The following TCERG1L variants were observed in gnomAD, a reference collection of about 807,000 sequenced individuals.
TCERG1L encodes transcription elongation regulator 1 like.
A neutral mutation model predicts 56.3 loss-of-function variants in TCERG1L; 37 were observed. The ratio of observed to expected loss-of-function variants is 0.66; its 90% confidence interval spans 0.51 to 0.87. The LOEUF is 0.87. Ranked by LOEUF, TCERG1L falls within the 40% of genes least tolerant of loss-of-function variation. The pLI is 0.00. For synonymous variants in TCERG1L, 324 were observed against 326.3 expected, an observed-to-expected ratio of 0.99 and a Z score of 0.08; for missense variants, 799 against 774.2, an observed-to-expected ratio of 1.03 and a Z score of -0.38.
intron 4 of TCERG1L, among the ~76,000 whole-genome samples, chr10:131,185,620 G>A (rs143834071): frequency 5.7e-4 from 86 of 152,138 alleles, no homozygotes; most frequent in Admixed American, 1.1e-3. Context: ...CACAAACGGC[G>A]AACAGGCATG....
At chr10:131,200,503 C>T (rs1427863667) in intron 4 of TCERG1L, among the ~76,000 whole-genome samples, 2 of 152,296 alleles carry the variant, frequency 1.3e-5, no homozygotes, top group Non-Finnish European at 2.9e-5. Flanking sequence ...TTCCTTCTTG[C>T]CTATGTCTCC....
chr10:131,311,271 G>A lies in TCERG1L; in HGVS notation c.342+23C>T, dbSNP rs866673941. The A allele has an allele frequency of 6.0e-5, 72 of 1,199,114 alleles. No individual in the cohort carries two copies. Among genetic ancestry groups the A allele is most frequent in the Non-Finnish European group, 6.7e-5 (65 of 966,782 alleles). The allele number at this position is 1,199,114 out of a possible 1,614,324, so 74.3% of individuals were successfully genotyped here. The stretch of plus-strand genomic sequence containing the variant: ...AGCAGGGGAGACGGCGACCCGGGCC[G>A]AGGCGGGACGGGGACACGTTACCTG... On this transcript the variant is annotated intron_variant, in intron 1 of 11. Coordinates refer to ENST00000368642, the MANE Select transcript of TCERG1L (RefSeq NM_174937.4). The surrounding 1 kb of genome is among the most constrained non-coding windows in gnomAD (Gnocchi z 4.0).
intron 4 of TCERG1L, among the ~76,000 whole-genome samples, chr10:131,189,655 T>C (rs1041069355): frequency 1.4e-4 from 21 of 152,222 alleles, no homozygotes; most frequent in Admixed American, 9.8e-4. Flanking sequence ...TGCAGGTATC[T>C]TTTTGGTATA....
chr10:131,285,517 AAAG>A (rs574532429), intron 3 of TCERG1L, among the ~76,000 whole-genome samples: 20,413 of 62,242 alleles, frequency 0.33, 2,743 homozygotes, highest in Admixed American at 0.41. Context: ...AGAAAGAAAG[AAAG>A]AAAGAGAGAA....
intron 4 of TCERG1L, among the ~76,000 whole-genome samples, chr10:131,247,920 A>G (rs1169971609): frequency 6.6e-6 from 1 of 150,918 alleles, no homozygotes; most frequent in Non-Finnish European, 1.5e-5. Context: ...ACACACGCAT[A>G]CACACGACTC....
intron 7 of TCERG1L, among the ~76,000 whole-genome samples, chr10:131,134,932 A>G (rs1020698894): frequency 1.3e-5 from 2 of 152,124 alleles, no homozygotes. Context: ...CCTACCCCAC[A>G]TGTGGCCATG....
chr10:131,095,235 G>GCCAACCCCACCGGGTGT (rs1845231591), intron 11 of TCERG1L: 4 of 143,058 alleles, frequency 2.8e-5, no homozygotes, highest in African/African-American at 1.2e-4. Context: ...CCACCGGACG[G>GCCAACCCCACCGGGTGT]CCAACCCCAC....
chr10:131,105,190 T>C (rs947455450), intron 9 of TCERG1L, among the ~76,000 whole-genome samples: 2 of 152,146 alleles, frequency 1.3e-5, no homozygotes, highest in African/African-American at 4.8e-5. Context: ...GGGTTATGGG[T>C]TTGGGGAGGA....
intron 4 of TCERG1L, among the ~76,000 whole-genome samples, chr10:131,226,236 C>G (rs974633527): frequency 2.0e-5 from 3 of 152,086 alleles, no homozygotes; most frequent in African/African-American, 7.2e-5. Flanking sequence ...CCTCCACACC[C>G]GGCTAATTTT....
intron 4 of TCERG1L, among the ~76,000 whole-genome samples, chr10:131,237,679 G>T (rs1010162784): frequency 6.6e-6 from 1 of 152,168 alleles, no homozygotes; most frequent in Non-Finnish European, 1.5e-5. Flanking sequence ...TGATCTCCAC[G>T]TTGAACACCC....
chr10:131,126,750 C>A (rs560566629), intron 8 of TCERG1L, among the ~76,000 whole-genome samples: 2 of 152,306 alleles, frequency 1.3e-5, no homozygotes, highest in East Asian at 3.9e-4. Flanking sequence ...TCCAGAGAGG[C>A]AGCACCTACC....
chr10:131,154,659 AC>A (rs1845900156), intron 6 of TCERG1L, among the ~76,000 whole-genome samples: 1 of 152,126 alleles, frequency 6.6e-6, no homozygotes, highest in African/African-American at 2.4e-5. Flanking sequence ...TGGGTGAGGG[AC>A]TAGGGCTTAT....
Position 131,311,414 on chromosome 10 carries a change from G to T in TCERG1L, c.222C>A (p.Leu74=). The T allele has an allele frequency of 1.4e-5, 16 of 1,180,668 alleles. No homozygotes were observed. The highest frequency in any genetic ancestry group is 1.7e-5 in the Non-Finnish European group (16 of 956,526). The allele number at this position is 1,180,668 out of a possible 1,614,324, so 73.1% of individuals were successfully genotyped here. A position where few individuals can be genotyped will look rare whatever the true frequency, so the allele number is the denominator to read the frequency against. ...ASAPPPAAPL[L]PGLPGWPAPS... The stretch of plus-strand genomic sequence containing the variant: ...GGGCCGGCCAGCCGGGGAGACCGGG[G>T]AGCAGCGGGGCCGCGGGCGGCGGGG... The change falls in exon 1 of 12, where the codon CTC becomes CTA. Residue 74 remains leucine (L), a synonymous_variant. Coordinates refer to ENST00000368642, the MANE Select transcript of TCERG1L (RefSeq NM_174937.4). This position sits in a 1 kb window ranked among gnomAD's most constrained non-coding sequence, Gnocchi z 4.0.
chr10:131,273,585 C>T (rs545290817), intron 3 of TCERG1L, among the ~76,000 whole-genome samples: 2 of 152,228 alleles, frequency 1.3e-5, no homozygotes, highest in Non-Finnish European at 2.9e-5. Flanking sequence ...TCAGCTTTCC[C>T]GCCTCCATCC....
At chr10:131,283,239 C>T (rs150527241) in intron 3 of TCERG1L, among the ~76,000 whole-genome samples, 33 of 152,248 alleles carry the variant, frequency 2.2e-4, no homozygotes, top group East Asian at 1.9e-4. Flanking sequence ...TCCAAGAAGT[C>T]GACTTCTTTC....
At chr10:131,286,771 T>C (rs977689368) in intron 3 of TCERG1L, among the ~76,000 whole-genome samples, 3 of 152,204 alleles carry the variant, frequency 2.0e-5, no homozygotes, top group African/African-American at 4.8e-5. Context: ...TTAGGCCTCA[T>C]TGAATTATCT....
intron 4 of TCERG1L, among the ~76,000 whole-genome samples, chr10:131,188,319 C>T (rs1845268329): frequency 6.6e-6 from 1 of 152,162 alleles, no homozygotes; most frequent in Admixed American, 6.5e-5. Flanking sequence ...GCACGCGCTC[C>T]TCATTTCCAT....
At chr10:131,287,356 T>C (rs1846556765) in intron 3 of TCERG1L, among the ~76,000 whole-genome samples, 1 of 152,236 alleles carries the variant, frequency 6.6e-6, no homozygotes, top group African/African-American at 2.4e-5. Context: ...TTTGGCAAAT[T>C]GATTCATTAT....
At chr10:131,201,353 G>A (rs1393959392) in intron 4 of TCERG1L, among the ~76,000 whole-genome samples, 1 of 152,214 alleles carries the variant, frequency 6.6e-6, no homozygotes, top group African/African-American at 2.4e-5. Flanking sequence ...GCTGGGAACA[G>A]ACAGCAGCCT....
Sources: allele counts gnomAD v4.1 joint callset (sites outside exome capture counted in the v4.1 genomes callset), GRCh38; gene constraint gnomAD v4.1.1; non-coding constraint Gnocchi (gnomAD v3.1); transcripts MANE v1.5; gene names NCBI Gene and HGNC (gene_info 2026-07-23, HGNC 2026-07-21).